Variants in ZNF335 observed in about 807,000 individuals in gnomAD.
ZNF335 encodes the protein NRC-interacting factor 1.
ZNF335 carries 84 observed loss-of-function variants against 145.6 expected under a neutral mutation model. The ratio of observed to expected loss-of-function variants is 0.58; its 90% CI spans 0.48 to 0.69. The LOEUF is 0.69. ZNF335 is among the 30% of genes least tolerant of loss of function. ZNF335 has a pLI of 0.00. For synonymous variants in ZNF335, 761 were observed against 717.0 expected (o/e 1.06, Z -0.98); for missense variants, 1,865 against 1,809.7 (o/e 1.03, Z -0.55).
At position 45,949,817 on chromosome 20, in the gene ZNF335, C is replaced by T; in HGVS notation, c.3652G>A (p.Val1218Met). The T allele has an allele frequency of 6.2e-7, 1 of 1,614,090 alleles. No individual in the cohort carries two copies. The highest frequency in any genetic ancestry group is 8.5e-7 in the Non-Finnish European group (1 of 1,179,994). The change falls in exon 24 of 28, where the codon GTG (valine) becomes ATG (methionine). Residue 1218 changes from valine to methionine, a missense_variant. Coordinates refer to ENST00000322927, the MANE Select transcript of ZNF335 (RefSeq NM_022095.4). Reference protein sequence around the residue: ...TADGQTVQHLVTSDNQVQYII... With the variant: ...TADGQTVQHLMTSDNQVQYII... The stretch of plus-strand genomic sequence containing the variant: ...TAGCTCACCTGGTTGTCGGAGGTCA[C>T]CAGGTGCTGTACGGTCTGGCCATCT...
chr20:45,954,641 T>A (rs1394762973), intron 17 of ZNF335, among the ~76,000 whole-genome samples: 1 of 151,906 alleles, frequency 6.6e-6, no homozygotes, highest in African/African-American at 2.4e-5. Flanking sequence ...ATGGAGCTCC[T>A]GCAAAGCAAT....
Position 45,962,084 on chromosome 20 carries a change from C to T in ZNF335, c.1632G>A (p.Val544=). The change falls in exon 10 of 28, where the codon GTG becomes GTA. Residue 544 remains valine (V), a synonymous_variant. Coordinates refer to ENST00000322927, the MANE Select transcript of ZNF335 (RefSeq NM_022095.4). Reference sequence around the variant, plus strand: ...CCCACACTGACCGGTCCCGGCTGTGCACAGCGGCGTGCCGAATGACGTCCT... The same window carrying T: ...CCCACACTGACCGGTCCCGGCTGTGTACAGCGGCGTGCCGAATGACGTCCT... ...YRKDVIRHAA[V]HSRDRKKRPD... 2 of 1,510,434 alleles carry T rather than the reference C, an allele frequency of 1.3e-6. No individual in the cohort carries two copies. Among genetic ancestry groups the T allele is most frequent in the South Asian group, 1.1e-5 (1 of 90,030 alleles). The allele number at this position is 1,510,434 out of a possible 1,614,324, so 93.6% of individuals were successfully genotyped here.
chr20:45,964,136 C>T (rs2083906324), intron 7 of ZNF335, 146 bp from the exon 8 acceptor site: 3 of 1,024,208 alleles, frequency 2.9e-6, no homozygotes, highest in East Asian at 2.8e-5. Flanking sequence ...CACAGACAGC[C>T]TGTGGTTAGA....
chr20:45,966,481 G>A (rs1466890400), intron 6 of ZNF335, among the ~76,000 whole-genome samples: 1 of 152,060 alleles, frequency 6.6e-6, no homozygotes, highest in Non-Finnish European at 1.5e-5. Flanking sequence ...GCTGAGGTGG[G>A]AGGATTGTTT....
intron 15 of ZNF335, 89 bp from the exon 16 acceptor site, chr20:45,958,017 T>C: frequency 9.6e-7 from 1 of 1,045,326 alleles, no homozygotes; most frequent in Non-Finnish European, 1.5e-6. Flanking sequence ...CCAGATGTTT[T>C]ACATCTGTTG....
At chr20:45,965,870 T>G (rs2083943671) in intron 6 of ZNF335, 96 bp from the exon 7 acceptor site, 1 of 1,390,408 alleles carries the variant, frequency 7.2e-7, no homozygotes, top group Non-Finnish European at 9.5e-7. Flanking sequence ...CCCTGCATAC[T>G]CCTCCTCCAA....
At chr20:45,967,165 C>T in intron 6 of ZNF335, 1 of 291,208 alleles carries the variant, frequency 3.4e-6, no homozygotes, top group African/African-American at 2.1e-5. Flanking sequence ...ATGGCTTGAA[C>T]TCAGGAATTC....
Position 45,948,766 on chromosome 20 carries a change from G to A in ZNF335, c.*187C>T. 1.2e-6 allele frequency: 1 copy of A among 860,650 alleles called. No homozygotes were observed. The highest frequency in any genetic ancestry group is 1.8e-6 in the Non-Finnish European group (1 of 563,050). 53.3% of individuals were successfully genotyped at this position (860,650 alleles called of 1,614,324 possible). A position where few individuals can be genotyped will look rare whatever the true frequency, so the allele number is the denominator to read the frequency against. The stretch of plus-strand genomic sequence containing the variant: ...GCCTGCCTGCAGGCTGGGGCACCCA[G>A]CATGTCCTGGCTGGGGCCCATGGCT... On this transcript the variant is annotated 3_prime_UTR_variant, in exon 28 of 28. Coordinates refer to ENST00000322927, the MANE Select transcript of ZNF335 (RefSeq NM_022095.4).
At position 45,960,235 on chromosome 20, in the gene ZNF335, G is replaced by GC. The variant is rs2083813566; in HGVS notation, c.1992dup (p.Leu665AlafsTer17). On this transcript the variant is annotated frameshift_variant, in exon 14 of 28. Coordinates refer to ENST00000322927, the MANE Select transcript of ZNF335 (RefSeq NM_022095.4). LOFTEE classifies it high-confidence loss of function. ...GTGTGCTTGACAGCCACATGGGACAGCAAGAAGTCCTCTCGGAAGGTGCGG... is the reference window on the plus strand; with the variant it reads ...GTGTGCTTGACAGCCACATGGGACAGCCAAGAAGTCCTCTCGGAAGGTGCGG... The GC allele has an allele frequency of 6.2e-7, 1 of 1,614,172 alleles. No homozygotes were observed. The highest frequency in any genetic ancestry group is 2.2e-5 in the East Asian group (1 of 44,882).
chr20:45,949,435 G>C (rs1044568923), intron 25 of ZNF335, 37 bp from the exon 26 acceptor site: 2 of 1,613,864 alleles, frequency 1.2e-6, no homozygotes, highest in Non-Finnish European at 1.7e-6. Flanking sequence ...CCTAGGGAGA[G>C]GTCATGCAGC....
intron 10 of ZNF335, among the ~76,000 whole-genome samples, chr20:45,961,340 G>A (rs1266273263): frequency 6.6e-6 from 1 of 152,180 alleles, no homozygotes; most frequent in Non-Finnish European, 1.5e-5. Flanking sequence ...GCAGTGAGCT[G>A]TAATTGTGCC....
At chr20:45,951,484 T>C (rs1310626872) in intron 20 of ZNF335, among the ~76,000 whole-genome samples, 2 of 152,242 alleles carry the variant, frequency 1.3e-5, no homozygotes, top group Non-Finnish European at 1.5e-5. Flanking sequence ...ACTGGTTTTA[T>C]GGGAGATAAC....
rs1271518044 is a variant in ZNF335 at position 45,963,586 on chromosome 20, A to G, written c.1420T>C (p.Phe474Leu). ...PFLCRICGSR[F>L]LSHEDLRFHV... is the part of the protein sequence containing the mutation. ...AAGCGCAGGTCCTCGTGGGACAGAAAGCGAGAACCACAGATGCGGCACAGG... is the reference window on the plus strand; with the variant it reads ...AAGCGCAGGTCCTCGTGGGACAGAAGGCGAGAACCACAGATGCGGCACAGG... Residue 474 changes from phenylalanine (F) to leucine (L), a missense_variant, in exon 9 of 28, where the codon TTT becomes CTT. Phe to Leu is a conservative substitution (Grantham distance 22). Coordinates refer to ENST00000322927, the MANE Select transcript of ZNF335 (RefSeq NM_022095.4). 6.2e-7 allele frequency: 1 copy of G among 1,614,128 alleles called. No homozygotes were observed. The highest frequency in any genetic ancestry group is 1.1e-5 in the South Asian group (1 of 91,092).
intron 3 of ZNF335, among the ~76,000 whole-genome samples, chr20:45,969,032 C>CT (rs758207089): frequency 2.6e-5 from 4 of 152,190 alleles, no homozygotes; most frequent in Non-Finnish European, 5.9e-5. Flanking sequence ...GTCAGACTGT[C>CT]TGAGCTCATG....
Position 45,967,838 on chromosome 20 carries a change from A to G in ZNF335, c.710T>C (p.Met237Thr). 4 of 1,613,412 alleles carry G rather than the reference A, an allele frequency of 2.5e-6. No homozygotes were observed. The highest frequency in any genetic ancestry group is 3.4e-6 in the Non-Finnish European group (4 of 1,180,018). ...EPDLQSLEAM[M>T]EVVVVQQFKC... ...GAACTGCTGCACCACCACCACCTCC[A>G]TCATGGCCTCCAGGCTCTGCAGGTC... The change falls in exon 5 of 28, where the codon ATG becomes ACG. Residue 237 changes from methionine (M) to threonine (T), a missense_variant. By Grantham distance (81) the Met-to-Thr change is moderately conservative. Coordinates refer to ENST00000322927, the MANE Select transcript of ZNF335 (RefSeq NM_022095.4).
At chr20:45,965,394 A>G (rs2083932456) in intron 7 of ZNF335, among the ~76,000 whole-genome samples, 2 of 152,128 alleles carry the variant, frequency 1.3e-5, no homozygotes, top group Non-Finnish European at 2.9e-5. Context: ...CTCTTTTGCT[A>G]TGACAAATTG....
At chr20:45,962,009 C>A in intron 10 of ZNF335, 61 bp downstream of exon 10, 1 of 1,307,016 alleles carries the variant, frequency 7.7e-7, no homozygotes, top group South Asian at 1.2e-5. Flanking sequence ...TTATCCCGGG[C>A]CTCCACTTCC....
At chr20:45,967,072 C>T (rs2083969112) in intron 6 of ZNF335, 3 of 193,176 alleles carry the variant, frequency 1.6e-5, no homozygotes, top group Admixed American at 5.3e-5. Flanking sequence ...TGGGAGAACC[C>T]GTTTCTACAA....
Position 45,950,054 on chromosome 20 carries a change from C to A in ZNF335, c.3503G>T (p.Ser1168Ile). 6.2e-7 allele frequency: 1 copy of A among 1,613,890 alleles called. No individual in the cohort carries two copies. The highest frequency in any genetic ancestry group is 8.5e-7 in the Non-Finnish European group (1 of 1,179,946). ...CCGCTCTGGGCCCAGGACCCCGTGACTGGACTGGAGTGCAGCTGGGCAGAG... is the reference window on the plus strand; with the variant it reads ...CCGCTCTGGGCCCAGGACCCCGTGAATGGACTGGAGTGCAGCTGGGCAGAG... ...LATLHTALQS[S>I]HGVLGPERLQ... is the part of the protein sequence containing the mutation. Residue 1168 changes from serine (S) to isoleucine (I), a missense_variant, in exon 23 of 28, where the codon AGT becomes ATT. Physicochemically the swap from Ser to Ile is moderately radical, Grantham distance 142. Transcript: ENST00000322927.
Sources: gnomAD v4.1 joint callset for allele counts (sites outside exome capture counted in the v4.1 genomes callset) on GRCh38, gnomAD v4.1.1 for gene constraint, MANE v1.5 for transcripts, NCBI Gene and HGNC (gene_info 2026-07-23, HGNC 2026-07-21) for gene names.